Variants in RBM15 observed in about 807,000 individuals in gnomAD.
RBM15 encodes RNA-binding protein 15.
In RBM15, 8 loss-of-function variants were observed where a neutral mutation model predicts 62.6. That is an observed-to-expected ratio of 0.13 (90% CI 0.07 to 0.23). The LOEUF (loss-of-function observed/expected upper bound fraction) is 0.23. Ranked by LOEUF, RBM15 falls within the 10% of genes least tolerant of loss-of-function variation. The pLI is 1.00. For missense variants in RBM15, 1,144 were observed against 1,286.5 expected, an observed-to-expected ratio of 0.89 and a Z score of 1.69; for synonymous variants, 606 against 505.7, an observed-to-expected ratio of 1.20 and a Z score of -2.66.
rs1236666961 is a variant in RBM15 at position 110,341,757 on chromosome 1, CTGTT to C, written c.2355_2358del (p.Cys785TrpfsTer9). 2 of 1,614,078 alleles carry C rather than the reference CTGTT, an allele frequency of 1.2e-6. No homozygotes were observed. Among genetic ancestry groups the C allele is most frequent in the Non-Finnish European group, 8.5e-7 (1 of 1,180,046 alleles). On this transcript the variant is annotated frameshift_variant, in exon 1 of 3. Coordinates refer to ENST00000369784, the MANE Select transcript of RBM15 (RefSeq NM_022768.5). LOFTEE classifies it high-confidence loss of function. This position sits in a 1 kb window ranked among gnomAD's most constrained non-coding sequence, Gnocchi z 4.5. ...CTGTGGCATCAGCCTCTCCCAAACT[CTGTT>C]TGGCCTGGCAGGGCATGCTTCTACT...
At chr1:110,342,486 C>G in intron 1 of RBM15, 1 of 418,406 alleles carries the variant, frequency 2.4e-6, no homozygotes, top group Non-Finnish European at 4.2e-6. Context: ...GAAAGGGATG[C>G]CCTAAAGGTA....
chr1:110,340,733 C>T lies in RBM15; in HGVS notation c.1328C>T (p.Pro443Leu). The T allele has an allele frequency of 6.2e-7, 1 of 1,614,126 alleles. No individual in the cohort carries two copies. The highest frequency in any genetic ancestry group is 8.5e-7 in the Non-Finnish European group (1 of 1,180,026). ...TCTGGCAAAATTATAATTCGGAATC[C>T]TATCAAAATTGGTTATGGTAAAGCT... ...AMSGKIIIRN[P>L]IKIGYGKATP... Residue 443 changes from proline to leucine, a missense_variant, in exon 1 of 3, where the codon CCT becomes CTT. Around this residue, in one of 8 missense-constraint regions of RBM15, gnomAD observed 105 missense variants for 193.6 expected, o/e 0.54. Coordinates refer to ENST00000369784, the MANE Select transcript of RBM15 (RefSeq NM_022768.5). The surrounding 1 kb of genome is among the most constrained non-coding windows in gnomAD (Gnocchi z 5.8).
chr1:110,342,861 C>T (rs1447731764), intron 1 of RBM15, among the ~76,000 whole-genome samples: 1 of 152,172 alleles, frequency 6.6e-6, no homozygotes, highest in East Asian at 1.9e-4. Context: ...TTTGCTTTAA[C>T]ATGCATTTTT....
At chr1:110,346,074 A>T (rs1306637170) in intron 2 of RBM15, among the ~76,000 whole-genome samples, 2 of 152,084 alleles carry the variant, frequency 1.3e-5, no homozygotes, top group African/African-American at 4.8e-5. Flanking sequence ...CTTCAATTGC[A>T]GTCTTTAAAA....
chr1:110,340,346 G>A lies in RBM15; in HGVS notation c.941G>A (p.Arg314His). Residue 314 changes from arginine to histidine, a missense_variant, in exon 1 of 3, where the codon CGC (arginine) becomes CAC (histidine). Arg to His is a conservative substitution (Grantham distance 29). Around this residue, in one of 8 missense-constraint regions of RBM15, gnomAD observed 188 missense variants for 185.6 expected, o/e 1.01. Coordinates refer to ENST00000369784, the MANE Select transcript of RBM15 (RefSeq NM_022768.5). This position sits in a 1 kb window ranked among gnomAD's most constrained non-coding sequence, Gnocchi z 5.8. ...CGGCTGCAGCAGTTGGCTCTTGGCC[G>A]CCTGCCCCCTCCACCTCCGCCACCA... ...DYRLQQLALG[R>H]LPPPPPPPLP... The A allele has an allele frequency of 1.2e-6, 2 of 1,614,144 alleles. No individual in the cohort carries two copies. Among genetic ancestry groups the A allele is most frequent in the Non-Finnish European group, 1.7e-6 (2 of 1,180,016 alleles).
intron 1 of RBM15, among the ~76,000 whole-genome samples, chr1:110,343,275 G>A (rs1660837904): frequency 6.6e-6 from 1 of 152,116 alleles, no homozygotes; most frequent in East Asian, 1.9e-4. Context: ...TTCTTAAAAA[G>A]TCATCATAAA....
chr1:110,342,405 T>C, intron 1 of RBM15, 137 bp downstream of exon 1: 1 of 626,478 alleles, frequency 1.6e-6, no homozygotes, highest in East Asian at 3.1e-5. Flanking sequence ...TTTATATTTT[T>C]ATAAACGTCT....
intron 1 of RBM15, chr1:110,342,627 A>G (rs1241155863): frequency 1.3e-5 from 3 of 236,778 alleles, no homozygotes; most frequent in East Asian, 1.6e-4. Flanking sequence ...CAAAATTTTG[A>G]AAAGTCAGAA....
In RBM15 at chr1:110,339,693, G is replaced by C. The variant is rs761804182; in HGVS notation, c.288G>C (p.Arg96=). ...GKTDSGGGSR[R]SLHLDKSSSR... ...CCGATAGCGGCGGTGGGTCGCGGCG[G>C]AGTCTCCACCTGGACAAGTCCAGCA... Residue 96 remains arginine, a synonymous_variant, in exon 1 of 3, where the codon CGG becomes CGC. Coordinates refer to ENST00000369784, the MANE Select transcript of RBM15 (RefSeq NM_022768.5). 5 of 1,612,978 alleles carry C rather than the reference G, an allele frequency of 3.1e-6. No individual in the cohort carries two copies. Among genetic ancestry groups the C allele is most frequent in the Non-Finnish European group, 4.2e-6 (5 of 1,179,898 alleles).
Position 110,345,597 on chromosome 1 carries a change from G to C in RBM15, c.2922G>C (p.Leu974=), listed in dbSNP as rs770495956. Residue 974 remains leucine (L), a synonymous_variant, in exon 2 of 3, where the codon CTG becomes CTC. Transcript: ENST00000369784. ...YENKKRENLA[L]TLL is the part of the protein sequence containing the mutation. ...ACAAGAAGAGAGAAAACTTGGCGCT[G>C]ACCCTGTTATAGTGGTTATAGTGGT... 1 of 1,612,140 alleles carries C rather than the reference G, an allele frequency of 6.2e-7. No individual in the cohort carries two copies.
At position 110,339,939 on chromosome 1, in the gene RBM15, G is replaced by T. The variant is rs575575773; in HGVS notation, c.534G>T (p.Gly178=). Residue 178 remains glycine, a synonymous_variant, in exon 1 of 3, where the codon GGG becomes GGT. Coordinates refer to ENST00000369784, the MANE Select transcript of RBM15 (RefSeq NM_022768.5). The part of the protein sequence containing the change: ...EYKTLKISEL[G]SQLSDEAVED... ...AGACTCTGAAGATAAGCGAGTTGGG[G>T]TCCCAGCTTAGTGACGAAGCGGTGG... 6.8e-6 allele frequency: 11 copies of T among 1,613,950 alleles called. No individual in the cohort carries two copies. In the South Asian group the frequency reaches 1.1e-4, roughly 16 times the overall value.
chr1:110,341,143 C>G lies in RBM15; in HGVS notation c.1738C>G (p.Leu580Val). ...PLLYRDRDRD[L>V]YPDSDWVPPP... ...ACTATACAGAGATCGTGATAGGGAC[C>G]TTTATCCTGACTCTGATTGGGTGCC... is the stretch of plus-strand genomic sequence containing the variant. The change falls in exon 1 of 3, where the codon CTT becomes GTT. Residue 580 changes from leucine to valine, a missense_variant. By Grantham distance (32) the Leu-to-Val change is conservative. This residue lies in a region of RBM15 where 360 missense variants were observed against 342.9 expected (regional missense o/e 1.05). Transcript: ENST00000369784. This position sits in a 1 kb window ranked among gnomAD's most constrained non-coding sequence, Gnocchi z 4.5. 6.2e-7 allele frequency: 1 copy of G among 1,614,106 alleles called. No individual in the cohort carries two copies. The highest frequency in any genetic ancestry group is 1.3e-5 in the African/African-American group (1 of 75,046).
Position 110,340,271 on chromosome 1 carries a change from G to A in RBM15, c.866G>A (p.Gly289Asp), listed in dbSNP as rs1350327199. The change falls in exon 1 of 3, where the codon GGC becomes GAC. Residue 289 changes from glycine (G) to aspartate (D), a missense_variant. Physicochemically the swap from Gly to Asp is moderately conservative, Grantham distance 94. Around this residue, in one of 8 missense-constraint regions of RBM15, gnomAD observed 188 missense variants for 185.6 expected, o/e 1.01. Transcript: ENST00000369784. This position sits in a 1 kb window ranked among gnomAD's most constrained non-coding sequence, Gnocchi z 5.8. ...CGGCACCCCCCTGGAGGTGGTGGAG[G>A]CCAGAGATCACTTTCCCCTGGTGGC... ...GHRHPPGGGG[G>D]QRSLSPGGAA... 6.2e-7 allele frequency: 1 copy of A among 1,614,262 alleles called. No homozygotes were observed. Among genetic ancestry groups the A allele is most frequent in the Non-Finnish European group, 8.5e-7 (1 of 1,180,046 alleles).
Position 110,341,488 on chromosome 1 carries a change from C to G in RBM15, c.2083C>G (p.Leu695Val). 6.2e-7 allele frequency: 1 copy of G among 1,614,110 alleles called. No individual in the cohort carries two copies. The highest frequency in any genetic ancestry group is 8.5e-7 in the Non-Finnish European group (1 of 1,180,036). The change falls in exon 1 of 3, where the codon CTC (leucine) becomes GTC (valine). Residue 695 changes from leucine (L) to valine (V), a missense_variant. Physicochemically the swap from Leu to Val is conservative, Grantham distance 32. Around this residue, in one of 8 missense-constraint regions of RBM15, gnomAD observed 360 missense variants for 342.9 expected, o/e 1.05. Coordinates refer to ENST00000369784, the MANE Select transcript of RBM15 (RefSeq NM_022768.5). The surrounding 1 kb of genome is among the most constrained non-coding windows in gnomAD (Gnocchi z 4.5). ...CGACAATGATCGATCTTCCCGTCTT[C>G]TCTTGGAAAGGCCCTCTCCAATCAG... is the stretch of plus-strand genomic sequence containing the variant. Reference protein sequence around the residue: ...NSDNDRSSRLLLERPSPIRDR... With the variant: ...NSDNDRSSRLVLERPSPIRDR...
In RBM15 at chr1:110,341,692, C is replaced by G; in HGVS notation, c.2287C>G (p.Leu763Val). Residue 763 changes from leucine (L) to valine (V), a missense_variant, in exon 1 of 3, where the codon CTG (leucine) becomes GTG (valine). By Grantham distance (32) the Leu-to-Val change is conservative. Transcript: ENST00000369784. The surrounding 1 kb of genome is among the most constrained non-coding windows in gnomAD (Gnocchi z 4.5). Reference sequence around the variant, plus strand: ...TAGCACCAGCACTGCTTCCTCCAAGCTGAAGTCCCCGTCCCAGAAACAGGA... The same window carrying G: ...TAGCACCAGCACTGCTTCCTCCAAGGTGAAGTCCCCGTCCCAGAAACAGGA... ...APSTSTASSK[L>V]KSPSQKQDGG... 5 of 1,614,192 alleles carry G rather than the reference C, an allele frequency of 3.1e-6. No homozygotes were observed. The highest frequency in any genetic ancestry group is 1.3e-5 in the African/African-American group (1 of 75,062).
intron 1 of RBM15, among the ~76,000 whole-genome samples, 166 bp from the exon 2 acceptor site, chr1:110,345,373 G>A (rs1397146385): frequency 6.6e-6 from 1 of 152,150 alleles, no homozygotes; most frequent in Non-Finnish European, 1.5e-5. Flanking sequence ...TGTTCATTAT[G>A]CATATACAGC....
rs998346413 is a variant in RBM15, at chr1:110,346,571, A to C, written c.*304A>C. Reference sequence around the variant, plus strand: ...AAGATTTCTGGAAAAGTAAAGAAAAACCCTTTTTATGGCTCACACAGCTTA... The same window carrying C: ...AAGATTTCTGGAAAAGTAAAGAAAACCCCTTTTTATGGCTCACACAGCTTA... On this transcript the variant is annotated 3_prime_UTR_variant, in exon 3 of 3. Coordinates refer to ENST00000369784, the MANE Select transcript of RBM15 (RefSeq NM_022768.5). 1.1e-5 allele frequency: 6 copies of C among 539,890 alleles called. No individual in the cohort carries two copies. In the African/African-American group the frequency reaches 1.2e-4, roughly 10 times the overall value. The allele number at this position is 539,890 out of a possible 1,614,324, so 33.4% of individuals were successfully genotyped here.
intron 1 of RBM15, among the ~76,000 whole-genome samples, chr1:110,343,053 G>A (rs1236052885): frequency 6.6e-6 from 1 of 152,110 alleles, no homozygotes; most frequent in African/African-American, 2.4e-5. Flanking sequence ...GGTGTGTGGT[G>A]GTGTTTTTAC....
Position 110,341,651 on chromosome 1 carries a change from C to G in RBM15, c.2246C>G (p.Ser749Cys), listed in dbSNP as rs1478439535. ...GKSPLKKEDR[S>C]DGSAPSTSTA... ...AGCCCTCTGAAAAAAGAAGACCGCT[C>G]TGATGGGAGTGCACCTAGCACCAGC... is the stretch of plus-strand genomic sequence containing the variant. Residue 749 changes from serine (S) to cysteine (C), a missense_variant, in exon 1 of 3, where the codon TCT becomes TGT. Ser to Cys is a moderately radical substitution (Grantham distance 112, BLOSUM62 -1). Coordinates refer to ENST00000369784, the MANE Select transcript of RBM15 (RefSeq NM_022768.5). The surrounding 1 kb of genome is among the most constrained non-coding windows in gnomAD (Gnocchi z 4.5). 6.2e-7 allele frequency: 1 copy of G among 1,614,192 alleles called. No individual in the cohort carries two copies. The highest frequency in any genetic ancestry group is 1.1e-5 in the South Asian group (1 of 91,084).
Sources: allele counts gnomAD v4.1 joint callset (sites outside exome capture counted in the v4.1 genomes callset), GRCh38; gene constraint gnomAD v4.1.1; regional missense constraint gnomAD v4.1.1; non-coding constraint Gnocchi (gnomAD v3.1); transcripts MANE v1.5; gene names NCBI Gene and HGNC (gene_info 2026-07-23, HGNC 2026-07-21).